Variants in KIF6 observed in about 807,000 individuals in gnomAD.
The protein encoded by KIF6 is kinesin-like protein KIF6.
Under a neutral mutation model 112.7 loss-of-function variants are expected in KIF6, and 106 were observed. The ratio of observed to expected loss-of-function variants is 0.94; its 90% CI spans 0.80 to 1.11. KIF6 has a LOEUF of 1.11. Ranked by LOEUF, KIF6 falls within the 50% of genes least tolerant of loss-of-function variation. The pLI is 0.00. For synonymous variants in KIF6, 339 were observed against 339.9 expected (o/e 1.00, Z 0.03); for missense variants, 929 against 964.0 (o/e 0.96, Z 0.48).
rs559827365 is a variant in KIF6, at chr6:39,454,541, A to C, written c.1646-23380T>G. 4.3e-4 allele frequency among the ~76,000 whole-genome samples: 66 copies of C among 151,894 alleles called. No homozygotes were observed. In the East Asian group the frequency reaches 4.6e-3, roughly 11 times the overall value. On this transcript the variant is annotated intron_variant, in intron 13 of 22. Coordinates refer to ENST00000287152, the MANE Select transcript of KIF6 (RefSeq NM_145027.6). ...TGATACTGAGAGCATCAAAAAAAAA[A>C]AAAAAAAAAAAGATCGAGCGTGAGC...
intron 10 of KIF6, among the ~76,000 whole-genome samples, chr6:39,558,964 C>T (rs1023046846): frequency 3.9e-5 from 6 of 152,128 alleles, no homozygotes; most frequent in African/African-American, 1.2e-4. Flanking sequence ...AACTCAAATG[C>T]TTCCATAAAC....
At chr6:39,487,871 C>G (rs1263832822) in intron 13 of KIF6, among the ~76,000 whole-genome samples, 1 of 152,186 alleles carries the variant, frequency 6.6e-6, no homozygotes, top group Non-Finnish European at 1.5e-5. Flanking sequence ...TTTATTTCAT[C>G]ATGGGGTTAT....
In KIF6 at chr6:39,698,999, C is replaced by A. The variant is rs567377381; in HGVS notation, c.251+15693G>T. Among the ~76,000 whole-genome samples the A allele has an allele frequency of 2.0e-5, 3 of 152,300 alleles. No individual in the cohort carries two copies. In the South Asian group the frequency reaches 6.2e-4, roughly 32 times the overall value. On this transcript the variant is annotated intron_variant, in intron 3 of 22. Transcript: ENST00000287152. ...ATGTGAATAATTTTGGCTTGCGTAGCAGCTGCATGTCTAACTGGTAGTTTC... is the reference window on the plus strand; with the variant it reads ...ATGTGAATAATTTTGGCTTGCGTAGAAGCTGCATGTCTAACTGGTAGTTTC...
Position 39,632,648 on chromosome 6 carries a change from T to C in KIF6, c.509+2201A>G, listed in dbSNP as rs754332625. 3.6e-4 allele frequency among the ~76,000 whole-genome samples: 55 copies of C among 152,170 alleles called. No homozygotes were observed. The Middle Eastern group carries it at 0.014, about 38-fold the overall frequency. ...ATCATCTTAGTAAAAGGCAAACTTG[T>C]CTAAGGCCCTCAGAAAACTAGCAGA... On this transcript the variant is annotated intron_variant, in intron 5 of 22. Coordinates refer to ENST00000287152, the MANE Select transcript of KIF6 (RefSeq NM_145027.6).
At chr6:39,411,044 C>T (rs1479775778) in intron 15 of KIF6, among the ~76,000 whole-genome samples, 1 of 66,022 alleles carries the variant, frequency 1.5e-5, no homozygotes, top group African/African-American at 3.4e-5. Context: ...TTGGTCCAGT[C>T]AAATTCTCTT....
Position 39,432,696 on chromosome 6 carries a change from A to G in KIF6, c.1646-1535T>C, listed in dbSNP as rs556034211. On this transcript the variant is annotated intron_variant, in intron 13 of 22. Transcript: ENST00000287152. ...AGAAAGATGATCCCTGATGCATGAGAGACATTGAGGGGCACGTTTCACCAG... is the reference window on the plus strand; with the variant it reads ...AGAAAGATGATCCCTGATGCATGAGGGACATTGAGGGGCACGTTTCACCAG... 1.8e-4 allele frequency among the ~76,000 whole-genome samples: 27 copies of G among 152,256 alleles called. 1 individual carries two copies. Among genetic ancestry groups the G allele is most frequent in the Admixed American group, 1.7e-3 (26 of 15,298 alleles).
chr6:39,360,791 A>G (rs929263427), intron 17 of KIF6, among the ~76,000 whole-genome samples: 1 of 152,200 alleles, frequency 6.6e-6, no homozygotes, highest in Non-Finnish European at 1.5e-5. Context: ...TCCCCCAAGA[A>G]TGAGAACTGC....
intron 13 of KIF6, among the ~76,000 whole-genome samples, chr6:39,493,633 AC>A: frequency 6.6e-6 from 1 of 152,348 alleles, no homozygotes; most frequent in East Asian, 1.9e-4. Context: ...GTGAATTGGT[AC>A]TATTTATGCC....
At chr6:39,659,779 C>T (rs774546759) in intron 3 of KIF6, among the ~76,000 whole-genome samples, 2 of 152,180 alleles carry the variant, frequency 1.3e-5, no homozygotes, top group African/African-American at 2.4e-5. Context: ...GTCAATTAAA[C>T]CTCTTTCCTT....
intron 13 of KIF6, among the ~76,000 whole-genome samples, chr6:39,520,310 T>A (rs1475545406): frequency 1.3e-5 from 2 of 152,126 alleles, no homozygotes; most frequent in South Asian, 2.1e-4. Flanking sequence ...TAGGAAAAAA[T>A]AAAATAATTT....
intron 5 of KIF6, chr6:39,617,760 T>C (rs1561868132): frequency 1.1e-5 from 5 of 455,390 alleles, no homozygotes; most frequent in Non-Finnish European, 2.2e-5. Flanking sequence ...CCATTCCGTC[T>C]AGACACCCTG....
At chr6:39,471,705 G>A (rs1774126810) in intron 13 of KIF6, among the ~76,000 whole-genome samples, 1 of 152,118 alleles carries the variant, frequency 6.6e-6, no homozygotes, top group African/African-American at 2.4e-5. Flanking sequence ...TCCTATTTTT[G>A]TAATCTTCCC....
chr6:39,561,203 C>G (rs988839082), intron 10 of KIF6, among the ~76,000 whole-genome samples: 1 of 152,196 alleles, frequency 6.6e-6, no homozygotes, highest in Non-Finnish European at 1.5e-5. Context: ...AAATCCTACA[C>G]TAGTAGAGAA....
intron 10 of KIF6, among the ~76,000 whole-genome samples, chr6:39,550,217 C>T (rs764638431): frequency 3.9e-5 from 6 of 152,130 alleles, no homozygotes; most frequent in Non-Finnish European, 8.8e-5. Flanking sequence ...AAAATATGAA[C>T]ATGTTCGTGT....
chr6:39,716,404 C>T (rs779802265), intron 2 of KIF6, among the ~76,000 whole-genome samples: 34 of 152,210 alleles, frequency 2.2e-4, no homozygotes, highest in Admixed American at 3.3e-4. Flanking sequence ...TTTCCCCACA[C>T]ATTTTAGAAG....
At chr6:39,532,401 A>G (rs1778128037) in intron 13 of KIF6, among the ~76,000 whole-genome samples, 1 of 152,176 alleles carries the variant, frequency 6.6e-6, no homozygotes, top group Admixed American at 6.5e-5. Context: ...TTGTTGAATG[A>G]AAGAGGAATG....
chr6:39,340,708 C>G (rs1421702219), intron 22 of KIF6, among the ~76,000 whole-genome samples: 1 of 152,172 alleles, frequency 6.6e-6, no homozygotes, highest in Non-Finnish European at 1.5e-5. Context: ...GCTCTCTGCA[C>G]TGCCTGGGGA....
intron 15 of KIF6, 111 bp downstream of exon 15, chr6:39,419,837 C>T (rs1318451796): frequency 2.2e-6 from 2 of 907,300 alleles, no homozygotes; most frequent in East Asian, 2.4e-5. Context: ...GGCAGGGGCT[C>T]TCCTGAAACT....
At chr6:39,589,566 T>C (rs576520916) in intron 7 of KIF6, among the ~76,000 whole-genome samples, 345 of 152,320 alleles carry the variant, frequency 2.3e-3, no homozygotes, top group Non-Finnish European at 3.6e-3. Context: ...CCTAGTTGTC[T>C]TGAAGGTCAT....
Sources: allele counts gnomAD v4.1 joint callset (sites outside exome capture counted in the v4.1 genomes callset), GRCh38; gene constraint gnomAD v4.1.1; transcripts MANE v1.5; gene names NCBI Gene and HGNC (gene_info 2026-07-23, HGNC 2026-07-21).